Variants in SNRPA1 observed in about 807,000 individuals in gnomAD.
SNRPA1 encodes small nuclear ribonucleoprotein polypeptide A'.
SNRPA1 carries 5 observed loss-of-function variants against 32.3 expected under a neutral mutation model. The observed-to-expected ratio is 0.15, with a 90% CI of 0.08 to 0.33. SNRPA1 has a LOEUF of 0.33. Ranked by LOEUF, SNRPA1 falls within the 10% of genes least tolerant of loss-of-function variation. The probability of loss-of-function intolerance (pLI) is 1.00; values close to 1 mark genes in which losing one functional copy is unlikely to be tolerated. For synonymous variants in SNRPA1, 111 were observed against 120.1 expected (o/e 0.92, Z 0.50); for missense variants, 198 against 311.1 (o/e 0.64, Z 2.74).
chr15:101,291,761 T>A (rs1205040665), intron 3 of SNRPA1, among the ~76,000 whole-genome samples: 1 of 152,138 alleles, frequency 6.6e-6, no homozygotes, highest in African/African-American at 2.4e-5. Context: ...TAACAAGACA[T>A]CCTAAGTCAA....
At chr15:101,287,874 G>A in intron 3 of SNRPA1, 172 bp from the exon 4 acceptor site, 1 of 583,040 alleles carries the variant, frequency 1.7e-6, no homozygotes, top group East Asian at 2.9e-5. Context: ...TTCTACCGAT[G>A]AATACATGGG....
intron 5 of SNRPA1, 24 bp downstream of exon 5, chr15:101,286,884 C>T: frequency 8.2e-7 from 1 of 1,226,144 alleles, no homozygotes; most frequent in Non-Finnish European, 1.2e-6. Context: ...TATAATGGCT[C>T]ACAAGCAACA....
intron 3 of SNRPA1, among the ~76,000 whole-genome samples, chr15:101,288,973 G>A (rs1167783108): frequency 2.0e-5 from 3 of 152,202 alleles, no homozygotes; most frequent in African/African-American, 7.2e-5. Flanking sequence ...GGTAGATGGT[G>A]GGGAAGGGGT....
Position 101,295,027 on chromosome 15 carries a change from G to T in SNRPA1, c.82+70C>A, listed in dbSNP as rs1320308954. 6 of 1,059,336 alleles carry T rather than the reference G, an allele frequency of 5.7e-6. No homozygotes were observed. In the East Asian group the frequency reaches 1.9e-4, roughly 34 times the overall value. The allele number at this position is 1,059,336 out of a possible 1,614,324, so 65.6% of individuals were successfully genotyped here. On this transcript the variant is annotated intron_variant, in intron 1 of 8. Transcript: ENST00000254193. ...GGCCAAGCTCCGGCCTTCGGTGCAC[G>T]CGGCAAAGCGCGGAAAATAAGGCGG... is the stretch of plus-strand genomic sequence containing the variant.
intron 3 of SNRPA1, chr15:101,288,366 C>T (rs891761066): frequency 2.0e-5 from 3 of 151,926 alleles, no homozygotes; most frequent in African/African-American, 7.3e-5. Context: ...CCTGCCTCAG[C>T]CTCCCAAGTA....
At chr15:101,285,190 G>T in intron 7 of SNRPA1, 130 bp from the exon 8 acceptor site, 1 of 623,448 alleles carries the variant, frequency 1.6e-6, no homozygotes, top group Non-Finnish European at 2.8e-6. Flanking sequence ...ATACTTTGGT[G>T]TAGGGGGAAG....
chr15:101,285,933 T>G (rs1261613587), intron 6 of SNRPA1, 132 bp from the exon 7 acceptor site: 4 of 686,642 alleles, frequency 5.8e-6, no homozygotes, highest in African/African-American at 1.8e-5. Context: ...ATACAAGAAC[T>G]CTCTCCTTCA....
intron 8 of SNRPA1, among the ~76,000 whole-genome samples, chr15:101,283,276 C>T (rs960763950): frequency 4.6e-5 from 7 of 152,180 alleles, no homozygotes; most frequent in African/African-American, 1.7e-4. Flanking sequence ...CGGCCAGGCG[C>T]GGTGGCTCAC....
intron 3 of SNRPA1, among the ~76,000 whole-genome samples, chr15:101,290,314 G>A (rs966878230): frequency 2.6e-5 from 4 of 152,148 alleles, no homozygotes; most frequent in African/African-American, 9.7e-5. Flanking sequence ...TTTGCAAAGA[G>A]CTTTAAATAC....
At chr15:101,284,903 T>C (rs1163400598) in intron 8 of SNRPA1, 64 bp downstream of exon 8, 2 of 1,201,158 alleles carry the variant, frequency 1.7e-6, no homozygotes, top group Non-Finnish European at 2.5e-6. Flanking sequence ...GGCATCTAAA[T>C]GGTTGTGAGT....
At chr15:101,294,871 G>A in intron 1 of SNRPA1, 1 of 427,748 alleles carries the variant, frequency 2.3e-6, no homozygotes, top group Non-Finnish European at 4.2e-6. Context: ...AGTCACCCGT[G>A]CCTGTCAAGA....
chr15:101,287,149 T>C (rs143828603), intron 4 of SNRPA1, 139 bp from the exon 5 acceptor site: 2 of 516,320 alleles, frequency 3.9e-6, no homozygotes, highest in Admixed American at 3.6e-5. Flanking sequence ...AATTTAACAT[T>C]AAGGAAATAT....
intron 1 of SNRPA1, 159 bp from the exon 2 acceptor site, chr15:101,293,331 TTAAGA>T (rs2039549375): frequency 4.0e-6 from 2 of 505,788 alleles, no homozygotes; most frequent in African/African-American, 3.9e-5. Flanking sequence ...TTGCCGCTGT[TTAAGA>T]TACTAGAGAG....
At chr15:101,287,926 G>C in intron 3 of SNRPA1, 1 of 484,758 alleles carries the variant, frequency 2.1e-6, no homozygotes, top group Non-Finnish European at 3.8e-6. Context: ...TGTCTCAATA[G>C]CAGGAGATAA....
Position 101,286,245 on chromosome 15 carries a change from G to A in SNRPA1, c.508C>T (p.Leu170Phe). 1.2e-6 allele frequency: 2 copies of A among 1,614,120 alleles called. No individual in the cohort carries two copies. The highest frequency in any genetic ancestry group is 8.5e-7 in the Non-Finnish European group (1 of 1,179,986). Residue 170 changes from leucine to phenylalanine, a missense_variant, in exon 6 of 9, where the codon CTT becomes TTT. Coordinates refer to ENST00000254193, the MANE Select transcript of SNRPA1 (RefSeq NM_003090.4). ...CTTCTCCTGGCAATATCCTTTGCAA[G>A]CTGTGCACCCCGTTTGCCCTTGAAC... is the stretch of plus-strand genomic sequence containing the variant. ...KMFKGKRGAQLAKDIARRSKT... is the reference protein window; with the variant it reads ...KMFKGKRGAQFAKDIARRSKT...
intron 8 of SNRPA1, among the ~76,000 whole-genome samples, chr15:101,284,377 A>AAT (rs1334433133): frequency 6.6e-6 from 1 of 152,188 alleles, no homozygotes; most frequent in East Asian, 1.9e-4. Flanking sequence ...CACACACGCA[A>AAT]ATATATATAG....
At chr15:101,286,594 A>G in intron 5 of SNRPA1, 1 of 465,904 alleles carries the variant, frequency 2.1e-6, no homozygotes, top group Non-Finnish European at 3.8e-6. Context: ...ACGGAGCTGC[A>G]CGAAAGTAGG....
At chr15:101,287,496 C>T (rs1004307848) in intron 4 of SNRPA1, among the ~76,000 whole-genome samples, 160 bp downstream of exon 4, 11 of 152,146 alleles carry the variant, frequency 7.2e-5, no homozygotes, top group Admixed American at 6.5e-4. Flanking sequence ...CATCCATGTC[C>T]CTACAGAGGA....
Position 101,286,175 on chromosome 15 carries a change from G to C in SNRPA1, c.539+39C>G, listed in dbSNP as rs774097093. 1.6e-5 allele frequency: 25 copies of C among 1,529,786 alleles called. No individual in the cohort carries two copies. The Admixed American group carries it at 3.9e-4, about 24-fold the overall frequency. The allele number at this position is 1,529,786 out of a possible 1,614,324, so 94.8% of individuals were successfully genotyped here. ...GCCAGACAGATCAGATCATGTTTCTGAAGGTGAAGTAGAGTTAAGTTGGAT... is the reference window on the plus strand; with the variant it reads ...GCCAGACAGATCAGATCATGTTTCTCAAGGTGAAGTAGAGTTAAGTTGGAT... On this transcript the variant is annotated intron_variant, in intron 6 of 8. Coordinates refer to ENST00000254193, the MANE Select transcript of SNRPA1 (RefSeq NM_003090.4).
Sources: allele counts gnomAD v4.1 joint callset (sites outside exome capture counted in the v4.1 genomes callset), GRCh38; gene constraint gnomAD v4.1.1; transcripts MANE v1.5; gene names NCBI Gene and HGNC (gene_info 2026-07-23, HGNC 2026-07-21).